The following EXD1 variants were observed in gnomAD, a reference collection of about 807,000 sequenced individuals.
EXD1 encodes piRNA biogenesis protein EXD1.
In EXD1, 63 loss-of-function variants were observed where a neutral mutation model predicts 49.1. The observed-to-expected ratio is 1.28, with a 90% CI of 1.05 to 1.58. The LOEUF is 1.58. Ranked by LOEUF, EXD1 falls within the 40% of genes most tolerant of loss-of-function variation. The pLI is 0.00. For missense variants in EXD1, 748 were observed against 666.0 expected (o/e 1.12, Z -1.36); for synonymous variants, 234 against 239.2 (o/e 0.98, Z 0.20).
rs771878555 is a variant in EXD1 at position 41,209,582 on chromosome 15, G to C, written c.453C>G (p.Leu151=). 7.4e-6 allele frequency: 12 copies of C among 1,613,890 alleles called. No individual in the cohort carries two copies. The South Asian group carries it at 1.1e-4, about 15-fold the overall frequency. Reference sequence around the variant, plus strand: ...TCAGGACATTCTGCTTCTTGATATGGAGTATCTGGTAAGAAAAAGAAGGAA... The same window carrying C: ...TCAGGACATTCTGCTTCTTGATATGCAGTATCTGGTAAGAAAAAGAAGGAA... ...QFQQKFGAAI[L]HIKKQNVLSV... is the part of the protein sequence containing the mutation. The change falls in exon 7 of 12, where the codon CTC becomes CTG. Residue 151 remains leucine, a synonymous_variant. Transcript: ENST00000458580.
chr15:41,190,898 GTTTA>G (rs67997140), intron 10 of EXD1, among the ~76,000 whole-genome samples: 146,905 of 151,310 alleles, frequency 0.97, 71,424 homozygotes, highest in East Asian at 1. Context: ...GTGCTTATTT[GTTTA>G]TTTATTTATT....
rs2047060063 is a variant in EXD1 at position 41,219,856 on chromosome 15, A to T, written c.176T>A (p.Leu59Ter). Residue 59 changes from leucine to a stop codon, truncating the protein, a stop_gained, in exon 3 of 12, where the codon TTG becomes TAG. Coordinates refer to ENST00000458580, the MANE Select transcript of EXD1 (RefSeq NM_001286441.2). LOFTEE classifies it high-confidence loss of function. ...ATTCACAATCTCATGCCCAAAAAAC[A>T]ACTTCACTCCTGGGACACTTCGACC... is the stretch of plus-strand genomic sequence containing the variant. Reference protein sequence around the residue: ...ETGRSVPGVKLFFGHEIVNVE... With the variant: ...ETGRSVPGVK 6.5e-7 allele frequency: 1 copy of T among 1,535,972 alleles called. No individual in the cohort carries two copies.
chr15:41,184,241 A>C lies in EXD1; in HGVS notation c.1409T>G (p.Ile470Ser), dbSNP rs2046368897. The change falls in exon 12 of 12, where the codon ATT becomes AGT. Residue 470 changes from isoleucine (I) to serine (S), a missense_variant. By Grantham distance (142) the Ile-to-Ser change is moderately radical (BLOSUM62 -2). Coordinates refer to ENST00000458580, the MANE Select transcript of EXD1 (RefSeq NM_001286441.2). ...ETSEDSSNKL[I>S]CTKSKGSEDQ... ...CTCTGACCCCTTTGACTTTGTGCAA[A>C]TGAGTTTGTTACTGGAATCCTCACT... 2 of 1,614,010 alleles carry C rather than the reference A, an allele frequency of 1.2e-6. No individual in the cohort carries two copies. Among genetic ancestry groups the C allele is most frequent in the Non-Finnish European group, 1.7e-6 (2 of 1,180,028 alleles).
At chr15:41,194,872 A>G (rs1316685486) in intron 9 of EXD1, among the ~76,000 whole-genome samples, 3 of 152,238 alleles carry the variant, frequency 2.0e-5, no homozygotes, top group Non-Finnish European at 4.4e-5. Flanking sequence ...CATTATAAGT[A>G]GATACATAAA....
chr15:41,227,041 A>T (rs1013581433), intron 1 of EXD1, among the ~76,000 whole-genome samples: 1 of 152,166 alleles, frequency 6.6e-6, no homozygotes, highest in Non-Finnish European at 1.5e-5. Context: ...CAGCATAACT[A>T]CCTGAGCTGC....
chr15:41,190,225 A>G (rs2046488932), intron 10 of EXD1, 97 bp from the exon 11 acceptor site: 1 of 1,321,862 alleles, frequency 7.6e-7, no homozygotes, highest in Non-Finnish European at 1.1e-6. Context: ...CTGTAATCCC[A>G]GCACTCTGGG....
chr15:41,220,014 CA>C (rs2047062536), intron 2 of EXD1, 116 bp from the exon 3 acceptor site: 5 of 707,482 alleles, frequency 7.1e-6, no homozygotes, highest in African/African-American at 3.7e-5. Flanking sequence ...AAAAAAACTC[CA>C]AAAAAATATC....
chr15:41,191,192 T>C (rs1345425828), intron 10 of EXD1, among the ~76,000 whole-genome samples: 2 of 152,112 alleles, frequency 1.3e-5, no homozygotes, highest in African/African-American at 4.8e-5. Flanking sequence ...TCCCAAAGTG[T>C]TGGGATTATA....
At chr15:41,201,553 G>A (rs551236878) in intron 7 of EXD1, among the ~76,000 whole-genome samples, 3 of 141,212 alleles carry the variant, frequency 2.1e-5, no homozygotes, top group East Asian at 2.1e-4. Flanking sequence ...GCAGTGGTGC[G>A]ATCTCGGCTC....
chr15:41,214,692 C>T (rs1464767567), intron 6 of EXD1, among the ~76,000 whole-genome samples: 1 of 152,098 alleles, frequency 6.6e-6, no homozygotes, highest in Non-Finnish European at 1.5e-5. Flanking sequence ...TCCACACAAG[C>T]CAGGAATATT....
At chr15:41,185,677 C>T (rs139384182) in intron 11 of EXD1, among the ~76,000 whole-genome samples, 2 of 152,150 alleles carry the variant, frequency 1.3e-5, no homozygotes, top group Non-Finnish European at 2.9e-5. Flanking sequence ...TGTGCCACCA[C>T]GCCTGGCTAA....
At chr15:41,221,662 T>A (rs2047090519) in intron 2 of EXD1, among the ~76,000 whole-genome samples, 1 of 151,852 alleles carries the variant, frequency 6.6e-6, no homozygotes, top group East Asian at 1.9e-4. Context: ...TGCTTGCCCC[T>A]CATACATTGA....
chr15:41,228,744 G>C (rs1214240451), intron 1 of EXD1, among the ~76,000 whole-genome samples: 1 of 152,070 alleles, frequency 6.6e-6, no homozygotes, highest in African/African-American at 2.4e-5. Context: ...CTGTCGCCAG[G>C]CTGGAGTGCA....
At position 41,184,568 on chromosome 15, in the gene EXD1, T is replaced by C. The variant is rs1282010639; in HGVS notation, c.1082A>G (p.Glu361Gly). The change falls in exon 12 of 12, where the codon GAA becomes GGA. Residue 361 changes from glutamate to glycine, a missense_variant. Transcript: ENST00000458580. ...TEPTCMELPE[E>G]LLQLKDFQKQ... ...CTGGAAGTCCTTGAGTTGAAGCAGTTCCTCTGGCAGCTCCATACATGTAGG... is the reference window on the plus strand; with the variant it reads ...CTGGAAGTCCTTGAGTTGAAGCAGTCCCTCTGGCAGCTCCATACATGTAGG... 6.2e-7 allele frequency: 1 copy of C among 1,600,804 alleles called. No homozygotes were observed. The highest frequency in any genetic ancestry group is 8.5e-7 in the Non-Finnish European group (1 of 1,176,104).
At chr15:41,220,699 A>G (rs1043162032) in intron 2 of EXD1, among the ~76,000 whole-genome samples, 1 of 152,214 alleles carries the variant, frequency 6.6e-6, no homozygotes, top group East Asian at 1.9e-4. Context: ...TGCCATGTCC[A>G]CAATGTGCTG....
At chr15:41,226,364 C>T in intron 2 of EXD1, 79 bp downstream of exon 2, 1 of 1,350,822 alleles carries the variant, frequency 7.4e-7, no homozygotes, top group Admixed American at 2.1e-5. Flanking sequence ...ATGCCACCCT[C>T]CCAATCACTA....
At position 41,230,571 on chromosome 15, in the gene EXD1, C is replaced by T; in HGVS notation, c.-146G>A. ...GGATCCTAATTTCAGCCAAGTGGTGCGTTCCTCGAACTTCAGTCTAGAACT... is the reference window on the plus strand; with the variant it reads ...GGATCCTAATTTCAGCCAAGTGGTGTGTTCCTCGAACTTCAGTCTAGAACT... On this transcript the variant is annotated 5_prime_UTR_variant, in exon 1 of 12. Transcript: ENST00000458580. 2 of 1,613,048 alleles carry T rather than the reference C, an allele frequency of 1.2e-6. No individual in the cohort carries two copies. The highest frequency in any genetic ancestry group is 3.3e-5 in the Admixed American group (2 of 59,936).
In EXD1 at chr15:41,215,793, C is replaced by A. The variant is rs745859150; in HGVS notation, c.429G>T (p.Gln143His). 1 of 1,614,034 alleles carries A rather than the reference C, an allele frequency of 6.2e-7. No homozygotes were observed. Among genetic ancestry groups the A allele is most frequent in the South Asian group, 1.1e-5 (1 of 91,072 alleles). ...TACTTACCGCAGCACCAAACTTCTG[C>A]TGGAATTGATTAATGACTGTGTATG... The part of the protein sequence containing the change: ...EVTYTVINQF[Q>H]QKFGAAILHI... The change falls in exon 6 of 12, where the codon CAG becomes CAT. Residue 143 changes from glutamine to histidine, a missense_variant. Physicochemically the swap from Gln to His is conservative, Grantham distance 24. Coordinates refer to ENST00000458580, the MANE Select transcript of EXD1 (RefSeq NM_001286441.2).
chr15:41,197,040 G>C (rs2046625192), intron 7 of EXD1, among the ~76,000 whole-genome samples: 1 of 151,918 alleles, frequency 6.6e-6, no homozygotes, highest in Non-Finnish European at 1.5e-5. Context: ...GCCCAGGCTG[G>C]TTTCAAACTC....
Sources: gnomAD v4.1 joint callset for allele counts (sites outside exome capture counted in the v4.1 genomes callset) on GRCh38, gnomAD v4.1.1 for gene constraint, MANE v1.5 for transcripts, NCBI Gene and HGNC (gene_info 2026-07-23, HGNC 2026-07-21) for gene names.